PTPRD: variants seen among roughly 807,000 people sequenced by gnomAD.
PTPRD encodes the protein receptor-type tyrosine-protein phosphatase delta.
Under a neutral mutation model 214.5 loss-of-function variants are expected in PTPRD, and 34 were observed. The observed-to-expected ratio is 0.16, with a 90% CI of 0.12 to 0.21. PTPRD has a LOEUF of 0.21. Ranked by LOEUF, PTPRD falls within the 10% of genes least tolerant of loss-of-function variation. The pLI is 1.00. For synonymous variants in PTPRD, 1,128 were observed against 845.7 expected (o/e 1.33, Z -5.79); for missense variants, 2,545 against 2,398.7 (o/e 1.06, Z -1.27).
Position 9,448,549 on chromosome 9 carries a change from G to T in PTPRD, c.-236-51067C>A, listed in dbSNP as rs1208159976. Among the ~76,000 whole-genome samples, 6 of 152,166 alleles carry T rather than the reference G, an allele frequency of 3.9e-5. No individual in the cohort carries two copies. In the South Asian group the frequency reaches 6.2e-4, roughly 16 times the overall value. On this transcript the variant is annotated intron_variant, in intron 8 of 45. Coordinates refer to ENST00000381196, the MANE Select transcript of PTPRD (RefSeq NM_002839.4). ...CCTCCCCAGCCATGTGGAACTGTGAGCCAATTAAACTTCTTTCCTTCATAA... is the reference window on the plus strand; with the variant it reads ...CCTCCCCAGCCATGTGGAACTGTGATCCAATTAAACTTCTTTCCTTCATAA...
intron 11 of PTPRD, among the ~76,000 whole-genome samples, chr9:8,796,638 T>C (rs949728307): frequency 2.6e-5 from 4 of 152,170 alleles, no homozygotes; most frequent in African/African-American, 9.7e-5. Context: ...TCACATCAAA[T>C]CATCATGTGC....
chr9:9,169,200 G>C (rs953384220), intron 10 of PTPRD, among the ~76,000 whole-genome samples: 2 of 151,748 alleles, frequency 1.3e-5, no homozygotes, highest in African/African-American at 4.8e-5. Context: ...AAACTTTTAT[G>C]ATATTTCTAA....
intron 2 of PTPRD, among the ~76,000 whole-genome samples, chr9:10,441,558 T>C (rs2098758453): frequency 9.3e-5 from 14 of 151,178 alleles, no homozygotes. Context: ...TATTTTTTTT[T>C]CCTTTCTGTT....
intron 7 of PTPRD, among the ~76,000 whole-genome samples, chr9:9,624,347 A>G (rs1276255587): frequency 1.3e-5 from 2 of 151,922 alleles, no homozygotes; most frequent in Non-Finnish European, 1.5e-5. Flanking sequence ...CAGTGGCATG[A>G]TCTCAGCTCA....
intron 2 of PTPRD, among the ~76,000 whole-genome samples, chr9:10,601,329 G>C (rs1367103619): frequency 6.6e-6 from 1 of 151,582 alleles, no homozygotes; most frequent in Non-Finnish European, 1.5e-5. Flanking sequence ...GATAGGACTT[G>C]ATCACTAATA....
In PTPRD at chr9:8,341,237, C is replaced by T. The variant is rs1195779630; in HGVS notation, c.4979G>A (p.Arg1660Lys). Reference protein sequence around the residue: ...RLASSKAHTSRFISANLPCNK... With the variant: ...RLASSKAHTSKFISANLPCNK... ...ACATGGAAGATTGGCACTGATAAAC[C>T]TTGAGGTGTGAGCTTTTGAGCTGGC... Residue 1660 changes from arginine (R) to lysine (K), a missense_variant, in exon 41 of 46, where the codon AGG (arginine) becomes AAG (lysine). Coordinates refer to ENST00000381196, the MANE Select transcript of PTPRD (RefSeq NM_002839.4). The T allele has an allele frequency of 6.2e-7, 1 of 1,611,070 alleles. No homozygotes were observed. Among genetic ancestry groups the T allele is most frequent in the South Asian group, 1.1e-5 (1 of 90,662 alleles).
chr9:8,450,440 G>A (rs1019683446), intron 33 of PTPRD, among the ~76,000 whole-genome samples: 1 of 151,596 alleles, frequency 6.6e-6, no homozygotes, highest in African/African-American at 2.4e-5. Context: ...AAATGTGAAG[G>A]AAAAAAAACA....
chr9:9,576,086 C>A (rs1454455565), intron 7 of PTPRD, among the ~76,000 whole-genome samples: 2 of 152,070 alleles, frequency 1.3e-5, no homozygotes, highest in African/African-American at 4.8e-5. Context: ...TAGATTGAGT[C>A]TTTTATGTCA....
chr9:9,046,307 T>C (rs2099672009), intron 10 of PTPRD, among the ~76,000 whole-genome samples: 1 of 152,192 alleles, frequency 6.6e-6, no homozygotes, highest in African/African-American at 2.4e-5. Flanking sequence ...TCTTAGAAGA[T>C]ATCCAGCAAC....
intron 10 of PTPRD, among the ~76,000 whole-genome samples, chr9:9,072,557 C>A (rs1297217529): frequency 1.3e-5 from 2 of 152,044 alleles, no homozygotes; most frequent in Non-Finnish European, 2.9e-5. Context: ...CTTTTTATAC[C>A]CCACTAATTA....
At chr9:9,595,536 ATATG>A (rs1482371160) in intron 7 of PTPRD, among the ~76,000 whole-genome samples, 2 of 114,840 alleles carry the variant, frequency 1.7e-5, no homozygotes, top group African/African-American at 6.1e-5. Flanking sequence ...ACACGTATGC[ATATG>A]TATGTGTGTT....
chr9:9,890,814 T>A (rs2073041032), intron 5 of PTPRD, among the ~76,000 whole-genome samples: 1 of 152,082 alleles, frequency 6.6e-6, no homozygotes, highest in East Asian at 1.9e-4. Context: ...ATACTATGTC[T>A]CCAATGATGC....
chr9:8,695,492 A>G (rs1213677700), intron 12 of PTPRD, among the ~76,000 whole-genome samples: 1 of 152,104 alleles, frequency 6.6e-6, no homozygotes, highest in Non-Finnish European at 1.5e-5. Context: ...AGCGTCTAAC[A>G]GGCAAACAAC....
intron 3 of PTPRD, among the ~76,000 whole-genome samples, chr9:10,254,190 G>A (rs962637674): frequency 1.3e-5 from 2 of 152,246 alleles, no homozygotes; most frequent in Middle Eastern, 6.8e-3. Context: ...TCATTTATAA[G>A]TGGATATTTA....
At position 10,169,503 on chromosome 9, in the gene PTPRD, A is replaced by G. The variant is rs561820715; in HGVS notation, c.-544-135713T>C. 5.3e-5 allele frequency among the ~76,000 whole-genome samples: 8 copies of G among 150,180 alleles called. No homozygotes were observed. The South Asian group carries it at 1.7e-3, about 32-fold the overall frequency. On this transcript the variant is annotated intron_variant, in intron 3 of 45. Coordinates refer to ENST00000381196, the MANE Select transcript of PTPRD (RefSeq NM_002839.4). ...AAAAAAAAAAAAAAAAGCAATGAGT[A>G]GGACCACATTTCTTGTAATGACAGA...
At chr9:9,370,236 C>T (rs1405188553) in intron 9 of PTPRD, among the ~76,000 whole-genome samples, 1 of 152,074 alleles carries the variant, frequency 6.6e-6, no homozygotes, top group Non-Finnish European at 1.5e-5. Flanking sequence ...ATTCCTCCTA[C>T]CCATGAGCAT....
rs181383958 is a variant in PTPRD, at chr9:10,052,349, G to A, written c.-544-18559C>T. 4.5e-3 allele frequency among the ~76,000 whole-genome samples: 689 copies of A among 152,198 alleles called. 6 individuals carry two copies. Among genetic ancestry groups the A allele is most frequent in the Non-Finnish European group, 6.2e-3 (424 of 68,006 alleles). Reference sequence around the variant, plus strand: ...AGGTTAAAAAAGGCGCCTGCTTAGTGGCAAACTCCCAAAAGAAGCAGCACA... The same window carrying A: ...AGGTTAAAAAAGGCGCCTGCTTAGTAGCAAACTCCCAAAAGAAGCAGCACA... On this transcript the variant is annotated intron_variant, in intron 3 of 45. Transcript: ENST00000381196.
At position 8,314,396 on chromosome 9, in the gene PTPRD, C is replaced by A. The variant is rs1298474299; in HGVS notation, c.*3478G>T. ...CCTTTCATTCTGTAAAACATTTACG[C>A]GTACTACTAATTAGAGGTAATTGTA... is the stretch of plus-strand genomic sequence containing the variant. On this transcript the variant is annotated 3_prime_UTR_variant, in exon 46 of 46. Transcript: ENST00000381196. The A allele has an allele frequency of 4.4e-6, 1 of 229,504 alleles. No individual in the cohort carries two copies. Among genetic ancestry groups the A allele is most frequent in the African/African-American group, 2.2e-5 (1 of 45,082 alleles). The allele number at this position is 229,504 out of a possible 1,614,324, so 14.2% of individuals were successfully genotyped here.
At chr9:8,724,082 C>T (rs2098531658) in intron 12 of PTPRD, among the ~76,000 whole-genome samples, 1 of 152,100 alleles carries the variant, frequency 6.6e-6, no homozygotes, top group Non-Finnish European at 1.5e-5. Flanking sequence ...TAAACTGATT[C>T]TGGATTCCAC....
Sources: gnomAD v4.1 joint callset for allele counts (sites outside exome capture counted in the v4.1 genomes callset) on GRCh38, gnomAD v4.1.1 for gene constraint, MANE v1.5 for transcripts, NCBI Gene and HGNC (gene_info 2026-07-23, HGNC 2026-07-21) for gene names.